KCNN2: variants seen among roughly 807,000 people sequenced by gnomAD.
The protein encoded by KCNN2 is potassium calcium-activated channel subfamily N member 2, also known as small conductance calcium-activated potassium channel protein 2.
A neutral mutation model predicts 55.5 loss-of-function variants in KCNN2; 24 were observed. The ratio of observed to expected loss-of-function variants is 0.43; its 90% confidence interval spans 0.31 to 0.61. The LOEUF (loss-of-function observed/expected upper bound fraction) is 0.61. Ranked by LOEUF, KCNN2 falls within the 20% of genes least tolerant of loss-of-function variation. The probability of loss-of-function intolerance (pLI) is 0.08; values close to 1 mark genes in which losing one functional copy is unlikely to be tolerated. For synonymous variants in KCNN2, 431 were observed against 336.1 expected (o/e 1.28, Z -3.09); for missense variants, 754 against 853.6 (o/e 0.88, Z 1.45).
chr5:114,108,643 C>T (rs1354500356), intron 1 of KCNN2, among the ~76,000 whole-genome samples: 6 of 152,044 alleles, frequency 3.9e-5, no homozygotes, highest in Admixed American at 3.9e-4. Context: ...GATTCTGACT[C>T]CTTTGTCTCA....
At chr5:114,144,327 T>C (rs939659308) in intron 1 of KCNN2, among the ~76,000 whole-genome samples, 2 of 152,218 alleles carry the variant, frequency 1.3e-5, no homozygotes, top group Admixed American at 6.5e-5. Flanking sequence ...TTTTGATCAA[T>C]ACCTGACTGA....
intron 1 of KCNN2, among the ~76,000 whole-genome samples, chr5:114,155,298 T>C (rs999997271): frequency 1.3e-5 from 2 of 152,206 alleles, no homozygotes; most frequent in African/African-American, 4.8e-5. Flanking sequence ...TTGATGGGCA[T>C]TTAGGTTGAT....
intron 3 of KCNN2, among the ~76,000 whole-genome samples, chr5:114,434,127 G>A (rs961658652): frequency 6.6e-6 from 1 of 151,708 alleles, no homozygotes; most frequent in Non-Finnish European, 1.5e-5. Context: ...TATTAATTGA[G>A]CATAATATAT....
intron 1 of KCNN2, among the ~76,000 whole-genome samples, chr5:114,145,491 T>C (rs889244092): frequency 1.8e-4 from 28 of 152,140 alleles, no homozygotes; most frequent in Admixed American, 1.6e-3. Flanking sequence ...CCAAGTGTCC[T>C]AAAGGAGGGA....
At chr5:114,337,237 A>T (rs1205073741) in intron 2 of KCNN2, among the ~76,000 whole-genome samples, 1 of 152,158 alleles carries the variant, frequency 6.6e-6, no homozygotes, top group East Asian at 1.9e-4. Context: ...AATTTATCCC[A>T]TAGGTAAGTG....
intron 2 of KCNN2, among the ~76,000 whole-genome samples, chr5:114,265,764 G>C (rs1755197747): frequency 6.6e-6 from 1 of 152,206 alleles, no homozygotes; most frequent in South Asian, 2.1e-4. Context: ...CCATGACCCA[G>C]TCATATTGAC....
chr5:114,493,259 A>T, intron 6 of KCNN2, 144 bp from the exon 7 acceptor site: 1 of 721,686 alleles, frequency 1.4e-6, no homozygotes, highest in Non-Finnish European at 2.6e-6. Flanking sequence ...TACCAGACAC[A>T]TAACCAGTTT....
chr5:114,473,181 A>ATATC lies in KCNN2; in HGVS notation c.1890+19_1890+22dup, dbSNP rs1761826524. On this transcript the variant is annotated intron_variant, in intron 5 of 7. Coordinates refer to ENST00000673685, the MANE Select transcript of KCNN2 (RefSeq NM_021614.4). Reference sequence around the variant, plus strand: ...ACTAAAAGAGTAAGTTACTATCCATATATCTTCAAAGAGAATATTATTGTG... The same window carrying ATATC: ...ACTAAAAGAGTAAGTTACTATCCATATATCTATCTTCAAAGAGAATATTATTGTG... 2 of 1,380,082 alleles carry ATATC rather than the reference A, an allele frequency of 1.4e-6. No homozygotes were observed. The highest frequency in any genetic ancestry group is 1.8e-4 in the Middle Eastern group (1 of 5,622). The allele number at this position is 1,380,082 out of a possible 1,614,324, so 85.5% of individuals were successfully genotyped here.
At chr5:114,477,512 C>T (rs771355929) in intron 5 of KCNN2, among the ~76,000 whole-genome samples, 8 of 151,664 alleles carry the variant, frequency 5.3e-5, no homozygotes, top group Middle Eastern at 3.2e-3. Flanking sequence ...CAAAAATGGC[C>T]GACAGGTACA....
chr5:114,482,556 A>G (rs980926556), intron 5 of KCNN2, among the ~76,000 whole-genome samples: 6 of 152,194 alleles, frequency 3.9e-5, no homozygotes, highest in East Asian at 1.9e-4. Context: ...AAATCATTCT[A>G]TTATAAACAT....
At chr5:114,335,749 C>A (rs1359149043) in intron 2 of KCNN2, among the ~76,000 whole-genome samples, 1 of 151,642 alleles carries the variant, frequency 6.6e-6, no homozygotes, top group East Asian at 1.9e-4. Flanking sequence ...AAGTTTAGGG[C>A]TCAAGAAAAA....
At chr5:114,134,826 CAGA>C (rs1288896914) in intron 1 of KCNN2, among the ~76,000 whole-genome samples, 2 of 152,170 alleles carry the variant, frequency 1.3e-5, no homozygotes, top group East Asian at 1.9e-4. Context: ...TCTTGCTGAA[CAGA>C]AGGAGAGCCA....
chr5:114,104,656 G>A (rs1751442912), intron 1 of KCNN2, among the ~76,000 whole-genome samples: 1 of 151,984 alleles, frequency 6.6e-6, no homozygotes, highest in Non-Finnish European at 1.5e-5. Flanking sequence ...AAAAATACAT[G>A]CAAATCAGCA....
At chr5:114,332,466 A>G (rs1314333460) in intron 2 of KCNN2, among the ~76,000 whole-genome samples, 1 of 152,260 alleles carries the variant, frequency 6.6e-6, no homozygotes, top group Non-Finnish European at 1.5e-5. Context: ...AGGGAAATGT[A>G]TAGAGTGGTG....
chr5:114,323,031 T>C (rs926124156), intron 2 of KCNN2, among the ~76,000 whole-genome samples: 2 of 152,236 alleles, frequency 1.3e-5, no homozygotes, highest in Non-Finnish European at 2.9e-5. Context: ...ATCATTTAGC[T>C]CCTGCTAATA....
intron 3 of KCNN2, among the ~76,000 whole-genome samples, chr5:114,430,064 C>A (rs1370376271): frequency 8.6e-5 from 13 of 151,940 alleles, no homozygotes; most frequent in Non-Finnish European, 1.5e-5. Context: ...TAGTGTTATT[C>A]CTCTAAACTT....
chr5:114,325,415 A>C (rs1416190945), intron 2 of KCNN2, among the ~76,000 whole-genome samples: 2 of 152,252 alleles, frequency 1.3e-5, no homozygotes, highest in African/African-American at 2.4e-5. Flanking sequence ...AAAAGCATCC[A>C]TTAGAGAAAA....
intron 2 of KCNN2, among the ~76,000 whole-genome samples, chr5:114,331,939 C>T (rs1164533057): frequency 6.6e-6 from 1 of 152,136 alleles, no homozygotes; most frequent in African/African-American, 2.4e-5. Context: ...CAAGCTCAGA[C>T]CTTCCCTTAA....
At chr5:114,068,343 G>T (rs1279888987) in intron 1 of KCNN2, among the ~76,000 whole-genome samples, 1 of 152,206 alleles carries the variant, frequency 6.6e-6, no homozygotes, top group Non-Finnish European at 1.5e-5. Context: ...CTAAGGTATG[G>T]AAGAAATTTG....
Sources: gnomAD v4.1 joint callset for allele counts (sites outside exome capture counted in the v4.1 genomes callset) on GRCh38, gnomAD v4.1.1 for gene constraint, MANE v1.5 for transcripts, NCBI Gene and HGNC (gene_info 2026-07-23, HGNC 2026-07-21) for gene names.